Variants in RPS6KA2 observed in about 807,000 individuals in gnomAD.
RPS6KA2 encodes ribosomal protein S6 kinase alpha-2.
Under a neutral mutation model 91.8 loss-of-function variants are expected in RPS6KA2, and 42 were observed. That is an observed-to-expected ratio of 0.46 (90% CI 0.36 to 0.59). The LOEUF (loss-of-function observed/expected upper bound fraction) is 0.59, where lower values mean the gene tolerates loss of function less well. RPS6KA2 is among the 20% of genes least tolerant of loss of function. The pLI is 0.00. For synonymous variants in RPS6KA2, 414 were observed against 393.6 expected (o/e 1.05, Z -0.61); for missense variants, 798 against 978.5 (o/e 0.82, Z 2.46).
At chr6:166,702,944 C>T (rs2128576806) in intron 2 of RPS6KA2, 1 of 601,122 alleles carries the variant, frequency 1.7e-6, no homozygotes. Flanking sequence ...GTCTTCTCGC[C>T]TTTAAAATAC....
chr6:166,583,350 G>A (rs1326901703), intron 1 of RPS6KA2, among the ~76,000 whole-genome samples: 2 of 152,174 alleles, frequency 1.3e-5, no homozygotes, highest in African/African-American at 2.4e-5. Context: ...CAGCACTGTC[G>A]CTGTGATCTG....
chr6:166,728,348 A>G (rs892229192), intron 2 of RPS6KA2, among the ~76,000 whole-genome samples: 2 of 152,316 alleles, frequency 1.3e-5, no homozygotes, highest in South Asian at 4.1e-4. Flanking sequence ...GGCAATTCCC[A>G]TGACCTGGAC....
chr6:166,858,189 T>C (rs752375938), intron 2 of RPS6KA2: 8 of 1,466,808 alleles, frequency 5.5e-6, no homozygotes, highest in South Asian at 4.5e-5. Flanking sequence ...TAATAAAACG[T>C]GTATAGTTAC....
chr6:166,770,753 G>A lies in RPS6KA2; in HGVS notation c.123+87447C>T. 1 of 1,056,588 alleles carries A rather than the reference G, an allele frequency of 9.5e-7. No homozygotes were observed. Among genetic ancestry groups the A allele is most frequent in the South Asian group, 1.5e-5 (1 of 66,128 alleles). 65.5% of individuals were successfully genotyped at this position (1,056,588 alleles called of 1,614,324 possible). ...TCGCACCTTGCCTTGCTGGACTCCG[G>A]GCACCGTGAAACAACTCAATAAATT... On this transcript the variant is annotated intron_variant, in intron 2 of 21. Coordinates refer to the RPS6KA2 transcript ENST00000503859. The surrounding 1 kb of genome is among the most constrained non-coding windows in gnomAD (Gnocchi z 5.1).
In RPS6KA2 at chr6:166,500,994, A is replaced by C; in HGVS notation, c.567-70T>G. 3.4e-6 allele frequency: 5 copies of C among 1,454,698 alleles called. No individual in the cohort carries two copies. The highest frequency in any genetic ancestry group is 4.8e-6 in the Non-Finnish European group (5 of 1,040,876). 90.1% of individuals were successfully genotyped at this position (1,454,698 alleles called of 1,614,324 possible). A position where few individuals can be genotyped will look rare whatever the true frequency, so the allele number is the denominator to read the frequency against. Reference sequence around the variant, plus strand: ...GCCTGCCGACGGGCACGCAGAGCTCAGAGGAGAGCTGCGGGGCAGCTGGGG... The same window carrying C: ...GCCTGCCGACGGGCACGCAGAGCTCCGAGGAGAGCTGCGGGGCAGCTGGGG... On this transcript the variant is annotated intron_variant, in intron 6 of 20. Transcript: ENST00000265678. The surrounding 1 kb of genome is among the most constrained non-coding windows in gnomAD (Gnocchi z 4.3).
chr6:166,485,644 A>T (rs1231940238), intron 10 of RPS6KA2, among the ~76,000 whole-genome samples: 1 of 152,180 alleles, frequency 6.6e-6, no homozygotes, highest in Non-Finnish European at 1.5e-5. Context: ...ACGCTTCTCA[A>T]CTTGCATCTG....
chr6:166,820,880 TCA>T (rs1432031943), intron 2 of RPS6KA2, among the ~76,000 whole-genome samples: 1 of 152,170 alleles, frequency 6.6e-6, no homozygotes, highest in African/African-American at 2.4e-5. Flanking sequence ...ATTACTACGT[TCA>T]CACACACACT....
intron 12 of RPS6KA2, among the ~76,000 whole-genome samples, chr6:166,454,805 A>G (rs1170792640): frequency 6.6e-6 from 1 of 151,918 alleles, no homozygotes; most frequent in Non-Finnish European, 1.5e-5. Context: ...CTGTTGAACA[A>G]TATGAAGAAC....
At chr6:166,799,951 A>G (rs2769358) in intron 2 of RPS6KA2, among the ~76,000 whole-genome samples, 61,018 of 151,610 alleles carry the variant, frequency 0.4, 13,430 homozygotes, top group East Asian at 0.54. Context: ...CATGGCTGCG[A>G]TCTCTCAGGA....
chr6:166,509,000 G>A lies in RPS6KA2; in HGVS notation c.380-718C>T, dbSNP rs1782368282. Reference sequence around the variant, plus strand: ...GACGATGGTTGCTGCAGTGGCACTGGTGAGGCACCGCGTGGCATCTTTTTT... The same window carrying A: ...GACGATGGTTGCTGCAGTGGCACTGATGAGGCACCGCGTGGCATCTTTTTT... On this transcript the variant is annotated intron_variant, in intron 4 of 20. Transcript: ENST00000265678. The surrounding 1 kb of genome is among the most constrained non-coding windows in gnomAD (Gnocchi z 4.3). Among the ~76,000 whole-genome samples the A allele has an allele frequency of 6.6e-6, 1 of 152,230 alleles. No homozygotes were observed. Among genetic ancestry groups the A allele is most frequent in the Non-Finnish European group, 1.5e-5 (1 of 68,042 alleles).
At chr6:166,486,466 C>T (rs562286125) in intron 10 of RPS6KA2, among the ~76,000 whole-genome samples, 1 of 152,378 alleles carries the variant, frequency 6.6e-6, no homozygotes, top group East Asian at 1.9e-4. Context: ...TTGTCCACAG[C>T]ACTGTTGGTG....
chr6:166,448,702 T>A lies in RPS6KA2; in HGVS notation c.1332+22A>T. 2 of 1,599,414 alleles carry A rather than the reference T, an allele frequency of 1.3e-6. No individual in the cohort carries two copies. The highest frequency in any genetic ancestry group is 1.1e-5 in the South Asian group (1 of 89,376). On this transcript the variant is annotated intron_variant, in intron 14 of 20. Transcript: ENST00000265678. The surrounding 1 kb of genome is among the most constrained non-coding windows in gnomAD (Gnocchi z 4.7). Reference sequence around the variant, plus strand: ...GCGCTGCACTCACACAGGGCCCTGCTCACTCAGCAGGCCTGCCTTACCTTC... The same window carrying A: ...GCGCTGCACTCACACAGGGCCCTGCACACTCAGCAGGCCTGCCTTACCTTC...
intron 2 of RPS6KA2, chr6:166,701,023 C>T (rs1789500933): frequency 2.0e-5 from 23 of 1,179,156 alleles, no homozygotes; most frequent in Non-Finnish European, 2.5e-5. Flanking sequence ...AGGGGGTCAG[C>T]GCCTGTCTGT....
At chr6:166,601,656 G>A (rs779507894) in intron 1 of RPS6KA2, among the ~76,000 whole-genome samples, 5 of 152,062 alleles carry the variant, frequency 3.3e-5, no homozygotes, top group Non-Finnish European at 7.4e-5. Context: ...GAGAAAGGAT[G>A]AACAACACAA....
At chr6:166,496,776 C>T (rs1230577056) in intron 8 of RPS6KA2, among the ~76,000 whole-genome samples, 1 of 152,150 alleles carries the variant, frequency 6.6e-6, no homozygotes, top group African/African-American at 2.4e-5. Flanking sequence ...GGATGTGCAG[C>T]GTGGCCAGCC....
intron 2 of RPS6KA2, chr6:166,702,737 C>T: frequency 8.0e-7 from 1 of 1,255,522 alleles, no homozygotes; most frequent in East Asian, 2.3e-5. Flanking sequence ...CCAATCTTCA[C>T]CAGGAAGGGT....
At chr6:166,510,554 C>CATATATATATATATAT (rs58712416) in intron 3 of RPS6KA2, among the ~76,000 whole-genome samples, 197 bp from the exon 4 acceptor site, 2 of 78,796 alleles carry the variant, frequency 2.5e-5, no homozygotes, top group African/African-American at 5.5e-5. Flanking sequence ...TTCTCTCTCT[C>CATATATATATATATAT]ATATATATAT....
rs1161824566 is a variant in RPS6KA2, at chr6:166,732,299, T to A, written c.123+125901A>T. The stretch of plus-strand genomic sequence containing the variant: ...GATAAAAATACAATTTAGAAGTATG[T>A]CTTTCCATTGGGATGAAGCATTCTC... On this transcript the variant is annotated intron_variant, in intron 2 of 21. Coordinates refer to the RPS6KA2 transcript ENST00000503859. This position sits in a 1 kb window ranked among gnomAD's most constrained non-coding sequence, Gnocchi z 4.0. 6.6e-6 allele frequency among the ~76,000 whole-genome samples: 1 copy of A among 152,208 alleles called. No individual in the cohort carries two copies. Among genetic ancestry groups the A allele is most frequent in the Non-Finnish European group, 1.5e-5 (1 of 68,038 alleles).
rs779535098 is a variant in RPS6KA2 at position 166,533,146 on chromosome 6, T to C, written c.217-1833A>G. On this transcript the variant is annotated intron_variant, in intron 2 of 20. Coordinates refer to ENST00000265678, the MANE Select transcript of RPS6KA2 (RefSeq NM_021135.6). The surrounding 1 kb of genome is among the most constrained non-coding windows in gnomAD (Gnocchi z 4.0). ...CAGGATTTTTACAGAGAGAAAAACATTAGTGCTTAACTCTTGAGATCTTCT... is the reference window on the plus strand; with the variant it reads ...CAGGATTTTTACAGAGAGAAAAACACTAGTGCTTAACTCTTGAGATCTTCT... Among the ~76,000 whole-genome samples the C allele has an allele frequency of 9.9e-5, 15 of 152,172 alleles. No homozygotes were observed. Among genetic ancestry groups the C allele is most frequent in the Non-Finnish European group, 2.2e-4 (15 of 68,016 alleles).
Sources: gnomAD v4.1 joint callset for allele counts (sites outside exome capture counted in the v4.1 genomes callset) on GRCh38, gnomAD v4.1.1 for gene constraint, Gnocchi (gnomAD v3.1) non-coding constraint, MANE v1.5 for transcripts, NCBI Gene and HGNC (gene_info 2026-07-23, HGNC 2026-07-21) for gene names.